ZC3H12D: variants seen among roughly 807,000 people sequenced by gnomAD.
ZC3H12D encodes probable ribonuclease ZC3H12D.
ZC3H12D carries 11 observed loss-of-function variants against 24.2 expected under a neutral mutation model. The observed-to-expected ratio is 0.46, with a 90% CI of 0.29 to 0.75. The LOEUF (loss-of-function observed/expected upper bound fraction) is 0.75. Among genes scored for constraint, ZC3H12D ranks in the 30% least tolerant of loss-of-function variants. The pLI, the probability that ZC3H12D is intolerant of heterozygous loss-of-function variation, is 0.11. For missense variants in ZC3H12D, 740 were observed against 767.7 expected (o/e 0.96, Z 0.43); for synonymous variants, 333 against 341.8 (o/e 0.97, Z 0.28).
At chr6:149,466,875 CAAAAATAAAATAAAATAAAA>C (rs1776171677) in intron 2 of ZC3H12D, among the ~76,000 whole-genome samples, 1 of 124,350 alleles carries the variant, frequency 8.0e-6, no homozygotes, top group East Asian at 2.9e-4. Context: ...GACTCCATCT[CAAAAATAAAATAAAATAAAA>C]TAAAATAAAA....
intron 1 of ZC3H12D, among the ~76,000 whole-genome samples, chr6:149,479,307 G>A (rs1776387840): frequency 6.6e-6 from 1 of 152,218 alleles, no homozygotes; most frequent in Admixed American, 6.5e-5. Flanking sequence ...GCTGCAGTGA[G>A]CTGTGATCAC....
intron 3 of ZC3H12D, among the ~76,000 whole-genome samples, chr6:149,458,148 T>TTTC (rs1776017324): frequency 7.0e-5 from 9 of 128,112 alleles, no homozygotes; most frequent in African/African-American, 3.3e-4. Flanking sequence ...TTTTTTTTTT[T>TTTC]TTTTTGAGAC....
chr6:149,482,320 T>C (rs1400722050), intron 1 of ZC3H12D, among the ~76,000 whole-genome samples: 2 of 152,272 alleles, frequency 1.3e-5, no homozygotes, highest in Non-Finnish European at 2.9e-5. Flanking sequence ...TGATGGTCTC[T>C]GAGCTGCAGC....
chr6:149,456,626 CCGCCG>C lies in ZC3H12D; in HGVS notation c.680+35_680+39del. 6.5e-6 allele frequency: 9 copies of C among 1,386,830 alleles called. No individual in the cohort carries two copies. The highest frequency in any genetic ancestry group is 9.2e-6 in the Non-Finnish European group (9 of 983,156). 85.9% of individuals were successfully genotyped at this position (1,386,830 alleles called of 1,614,324 possible). ...ACTGCCTCGACCCCGGCCCCCCGCCCCGCCGCCCCCCAGGGTGTCAGGACCCCAGC... is the reference window on the plus strand; with the variant it reads ...ACTGCCTCGACCCCGGCCCCCCGCCCCCCCCCAGGGTGTCAGGACCCCAGC... On this transcript the variant is annotated intron_variant, in intron 4 of 5. Transcript: ENST00000409806. The surrounding 1 kb of genome is among the most constrained non-coding windows in gnomAD (Gnocchi z 4.3).
In ZC3H12D at chr6:149,446,899, C is replaced by T. The variant is rs983954274; in HGVS notation, c.*3784G>A. 4 of 152,324 alleles carry T rather than the reference C, an allele frequency of 2.6e-5. No individual in the cohort carries two copies. The highest frequency in any genetic ancestry group is 5.9e-5 in the Non-Finnish European group (4 of 68,128). 9.4% of individuals were successfully genotyped at this position (152,324 alleles called of 1,614,324 possible). A position where few individuals can be genotyped will look rare whatever the true frequency, so the allele number is the denominator to read the frequency against. ...ACATTCTACAGTTCTACCCCAAACC[C>T]CCTTCCAGAGGCCTCTGGGAAGGCT... On this transcript the variant is annotated 3_prime_UTR_variant, in exon 6 of 6. Coordinates refer to ENST00000409806, the MANE Select transcript of ZC3H12D (RefSeq NM_207360.3).
rs150776751 is a variant in ZC3H12D at position 149,480,723 on chromosome 6, C to T, written c.-71+4090G>A. ...TGCACTCCAGCCTGAGCAACAAGAG[C>T]GAAACTCTGTCTCAAAAAAAACAAA... On this transcript the variant is annotated intron_variant, in intron 1 of 5. Transcript: ENST00000409806. 2.6e-3 allele frequency among the ~76,000 whole-genome samples: 391 copies of T among 150,808 alleles called. 2 individuals are homozygous for T. Among genetic ancestry groups the T allele is most frequent in the African/African-American group, 8.8e-3 (357 of 40,474 alleles).
chr6:149,461,429 A>G (rs543489), intron 3 of ZC3H12D, among the ~76,000 whole-genome samples: 55,255 of 151,876 alleles, frequency 0.36, 10,587 homozygotes, highest in African/African-American at 0.46. Flanking sequence ...TACTTGGTAA[A>G]TAAGTATTAC....
At chr6:149,470,251 T>C (rs1438391537) in intron 2 of ZC3H12D, among the ~76,000 whole-genome samples, 1 of 152,088 alleles carries the variant, frequency 6.6e-6, no homozygotes, top group Non-Finnish European at 1.5e-5. Context: ...TCCCAGCTAC[T>C]CGGGAGGCTG....
intron 1 of ZC3H12D, among the ~76,000 whole-genome samples, chr6:149,475,445 T>C (rs2115012704): frequency 6.6e-6 from 1 of 152,140 alleles, no homozygotes; most frequent in African/African-American, 2.4e-5. Flanking sequence ...CGGCTGGGCA[T>C]GGTGGCTCAC....
chr6:149,474,456 C>A lies in ZC3H12D; in HGVS notation c.88G>T (p.Gly30Cys), dbSNP rs749938849. The change falls in exon 2 of 6, where the codon GGC (glycine) becomes TGC (cysteine). Residue 30 changes from glycine (G) to cysteine (C), a missense_variant. Physicochemically the swap from Gly to Cys is radical, Grantham distance 159. Coordinates refer to ENST00000409806, the MANE Select transcript of ZC3H12D (RefSeq NM_207360.3). ...TGCAGCACGTCGTTGACCAGGGCGC[C>A]CTCGCCCAGCTTGCCCAACACCCGG... ...VLRVLGKLGE[G>C]ALVNDVLQEL... The A allele has an allele frequency of 2.1e-5, 33 of 1,597,436 alleles. No homozygotes were observed.
At chr6:149,457,660 C>G (rs866905384) in intron 3 of ZC3H12D, among the ~76,000 whole-genome samples, 3 of 152,142 alleles carry the variant, frequency 2.0e-5, no homozygotes, top group African/African-American at 7.2e-5. Context: ...AAAAACTAGT[C>G]AAGAGGTAAA....
chr6:149,451,598 C>G (rs1775897432), intron 5 of ZC3H12D, 119 bp from the exon 6 acceptor site: 2 of 849,972 alleles, frequency 2.4e-6, no homozygotes, highest in East Asian at 6.8e-5. Context: ...TTCCTCCAAG[C>G]AGGCCCCCAG....
Position 149,448,286 on chromosome 6 carries a change from C to T in ZC3H12D, c.*2397G>A, listed in dbSNP as rs1028543452. On this transcript the variant is annotated 3_prime_UTR_variant, in exon 6 of 6. Transcript: ENST00000409806. ...CAGCCTGGGTGACAGAGCGAGACTC[C>T]GTTTCAAAAATAATAATAATAAAAA... The T allele has an allele frequency of 4.7e-5, 7 of 150,312 alleles. No individual in the cohort carries two copies. Among genetic ancestry groups the T allele is most frequent in the African/African-American group, 1.2e-4 (5 of 40,820 alleles). The allele number at this position is 150,312 out of a possible 1,614,324, so 9.3% of individuals were successfully genotyped here.
intron 1 of ZC3H12D, 82 bp from the exon 2 acceptor site, chr6:149,474,695 C>A: frequency 3.2e-6 from 2 of 617,734 alleles, no homozygotes; most frequent in Non-Finnish European, 4.8e-6. Context: ...CTGGCTCCCT[C>A]CCGGCCTAGC....
rs1775918626 is a variant in ZC3H12D, at chr6:149,452,530, C to A, written c.787+86G>T. 1.7e-6 allele frequency: 2 copies of A among 1,158,438 alleles called. No homozygotes were observed. The highest frequency in any genetic ancestry group is 2.3e-6 in the Non-Finnish European group (2 of 867,278). The allele number at this position is 1,158,438 out of a possible 1,614,324, so 71.8% of individuals were successfully genotyped here. ...GGGCAAGAGCCCAGGCCGCTGAGCA[C>A]CAGGCCAGCGCTTTTTGACTGTGCT... On this transcript the variant is annotated intron_variant, in intron 5 of 5. Transcript: ENST00000409806. The surrounding 1 kb of genome is among the most constrained non-coding windows in gnomAD (Gnocchi z 4.0).
rs1465270288 is a variant in ZC3H12D at position 149,461,967 on chromosome 6, A to T, written c.309T>A (p.His103Gln). ...VIDGSNVAMS[H>Q]GNKETFSCRG... ...GGCAAGAGAAGGTTTCTTTATTTCC[A>T]TGGCTACAATGGGAAAACAAAGAAA... The change falls in exon 3 of 6, where the codon CAT becomes CAA. Residue 103 changes from histidine to glutamine, a missense_variant. His to Gln is a conservative substitution (Grantham distance 24). Coordinates refer to ENST00000409806, the MANE Select transcript of ZC3H12D (RefSeq NM_207360.3). The T allele has an allele frequency of 6.2e-7, 1 of 1,610,004 alleles. No individual in the cohort carries two copies. The highest frequency in any genetic ancestry group is 1.7e-4 in the Middle Eastern group (1 of 6,058).
chr6:149,452,684 G>C lies in ZC3H12D; in HGVS notation c.719C>G (p.Pro240Arg), dbSNP rs771051514. 6.2e-6 allele frequency: 10 copies of C among 1,608,416 alleles called. No homozygotes were observed. Among genetic ancestry groups the C allele is most frequent in the Non-Finnish European group, 8.5e-6 (10 of 1,178,064 alleles). ...CCTGCTCAGGAAGTTGCTCAGGGAG[G>C]GTCCATGGCGGCCCAGGGGGTCATC... ...PPDDPLGRHG[P>R]SLSNFLSRKP... Residue 240 changes from proline to arginine, a missense_variant, in exon 5 of 6, where the codon CCC (proline) becomes CGC (arginine). Pro to Arg is a moderately radical substitution (Grantham distance 103). Transcript: ENST00000409806. The surrounding 1 kb of genome is among the most constrained non-coding windows in gnomAD (Gnocchi z 4.0).
chr6:149,482,341 G>A (rs901679562), intron 1 of ZC3H12D, among the ~76,000 whole-genome samples: 26 of 152,246 alleles, frequency 1.7e-4, no homozygotes, highest in African/African-American at 5.3e-4. Flanking sequence ...TCTGCCAGCC[G>A]CGTCTCGTTT....
At chr6:149,466,737 G>A (rs768840550) in intron 2 of ZC3H12D, among the ~76,000 whole-genome samples, 2 of 152,172 alleles carry the variant, frequency 1.3e-5, no homozygotes, top group African/African-American at 4.8e-5. Context: ...TCAGCCAGGC[G>A]TGGTGGCGCA....
Sources: allele counts gnomAD v4.1 joint callset (sites outside exome capture counted in the v4.1 genomes callset), GRCh38; gene constraint gnomAD v4.1.1; non-coding constraint Gnocchi (gnomAD v3.1); transcripts MANE v1.5; gene names NCBI Gene and HGNC (gene_info 2026-07-23, HGNC 2026-07-21).